The following GPC6 variants were observed in gnomAD, a reference collection of about 807,000 sequenced individuals.
The protein encoded by GPC6 is glypican-6.
In GPC6, 14 loss-of-function variants were observed where a neutral mutation model predicts 55.2. That is an observed-to-expected ratio of 0.25 (90% CI 0.17 to 0.40). The LOEUF (loss-of-function observed/expected upper bound fraction) is 0.40, where lower values mean the gene tolerates loss of function less well. Ranked by LOEUF, GPC6 falls within the 10% of genes least tolerant of loss-of-function variation. GPC6 has a pLI of 1.00. For synonymous variants in GPC6, 278 were observed against 259.6 expected (o/e 1.07, Z -0.68); for missense variants, 641 against 708.5 (o/e 0.90, Z 1.08).
intron 3 of GPC6, among the ~76,000 whole-genome samples, chr13:93,972,218 A>G (rs1880315804): frequency 6.6e-6 from 1 of 152,212 alleles, no homozygotes; most frequent in Admixed American, 6.5e-5. Context: ...GCTATCCGCT[A>G]TCAAATGGCT....
At chr13:93,350,065 A>T (rs1020086125) in intron 1 of GPC6, among the ~76,000 whole-genome samples, 15 of 152,334 alleles carry the variant, frequency 9.8e-5, no homozygotes, top group African/African-American at 3.1e-4. Context: ...TCCACTTAAT[A>T]GATGTGGAAA....
intron 5 of GPC6, among the ~76,000 whole-genome samples, chr13:94,305,138 A>ATT (rs1875874637): frequency 6.6e-6 from 1 of 152,232 alleles, no homozygotes; most frequent in Non-Finnish European, 1.5e-5. Context: ...CCCTATTTTT[A>ATT]GTACAGTTGA....
intron 2 of GPC6, among the ~76,000 whole-genome samples, chr13:93,658,044 C>CACATGTACACCCTGA (rs1276448581): frequency 6.6e-6 from 1 of 151,876 alleles, no homozygotes; most frequent in African/African-American, 2.4e-5. Context: ...AGTAAACCTG[C>CACATGTACACCCTGA]ACATGTACAC....
intron 4 of GPC6, among the ~76,000 whole-genome samples, chr13:94,110,159 C>A (rs1254180409): frequency 2.6e-5 from 4 of 151,092 alleles, no homozygotes; most frequent in African/African-American, 4.9e-5. Flanking sequence ...GACTTCTTGT[C>A]TGTGATTCAG....
chr13:93,719,487 A>G lies in GPC6; in HGVS notation c.320-110667A>G, dbSNP rs372003518. 2.4e-3 allele frequency among the ~76,000 whole-genome samples: 369 copies of G among 152,176 alleles called. 2 individuals are homozygous for G. The highest frequency in any genetic ancestry group is 8.4e-3 in the African/African-American group (348 of 41,520). ...ATCAGGTGAAGAAGTTTTGGGGCTG[A>G]GACAATGAGGTTTTCTAAATATACA... On this transcript the variant is annotated intron_variant, in intron 2 of 8. Transcript: ENST00000377047.
At chr13:94,151,628 G>A (rs1380377592) in intron 4 of GPC6, among the ~76,000 whole-genome samples, 1 of 152,156 alleles carries the variant, frequency 6.6e-6, no homozygotes, top group Middle Eastern at 3.2e-3. Context: ...GGAAACTATA[G>A]ACGAATTGGG....
chr13:93,367,677 G>A (rs1053429258), intron 1 of GPC6, among the ~76,000 whole-genome samples: 1 of 152,016 alleles, frequency 6.6e-6, no homozygotes, highest in African/African-American at 2.4e-5. Context: ...GCAACTAACT[G>A]CCTCTTTGAC....
intron 4 of GPC6, among the ~76,000 whole-genome samples, chr13:94,080,344 A>G (rs1885058334): frequency 1.3e-5 from 2 of 152,216 alleles, no homozygotes; most frequent in Admixed American, 1.3e-4. Flanking sequence ...CTGATAAGTA[A>G]TTTTAATTAT....
rs572058749 is a variant in GPC6, at chr13:94,060,348, G to A, written c.877+32454G>A. Among the ~76,000 whole-genome samples the A allele has an allele frequency of 9.9e-5, 15 of 152,238 alleles. No homozygotes were observed. In the East Asian group the frequency reaches 2.5e-3, roughly 26 times the overall value. On this transcript the variant is annotated intron_variant, in intron 4 of 8. Transcript: ENST00000377047. ...TGAAATATAAGCTCCATGAGTGGGA[G>A]GATCTTTGTTGTGTTCCCTGATAAA...
At chr13:93,306,855 G>A (rs1239539680) in intron 1 of GPC6, among the ~76,000 whole-genome samples, 3 of 152,000 alleles carry the variant, frequency 2.0e-5, no homozygotes, top group Non-Finnish European at 4.4e-5. Flanking sequence ...TTGACACAGA[G>A]CATATTTGTT....
chr13:93,463,785 T>A (rs1878800386), intron 1 of GPC6, among the ~76,000 whole-genome samples: 1 of 151,888 alleles, frequency 6.6e-6, no homozygotes, highest in African/African-American at 2.4e-5. Context: ...CAGTTTTCTA[T>A]CTATCCTCAA....
At chr13:94,168,186 A>ATTCT (rs1328982830) in intron 4 of GPC6, among the ~76,000 whole-genome samples, 7 of 152,238 alleles carry the variant, frequency 4.6e-5, no homozygotes, top group Non-Finnish European at 1.0e-4. Context: ...CTCTGGCTCC[A>ATTCT]AAACCTGCCC....
chr13:93,785,664 A>G (rs1885796386), intron 2 of GPC6, among the ~76,000 whole-genome samples: 1 of 152,136 alleles, frequency 6.6e-6, no homozygotes, highest in Non-Finnish European at 1.5e-5. Flanking sequence ...TTAATTTAAT[A>G]TTTTAGAAAA....
chr13:94,065,868 A>G (rs1884499688), intron 4 of GPC6, among the ~76,000 whole-genome samples: 1 of 152,226 alleles, frequency 6.6e-6, no homozygotes, highest in Non-Finnish European at 1.5e-5. Context: ...AGGAATGAGA[A>G]TGAGCTAGGC....
chr13:93,472,778 G>GT (rs749119061), intron 1 of GPC6, among the ~76,000 whole-genome samples: 18 of 152,208 alleles, frequency 1.2e-4, no homozygotes, highest in Admixed American at 3.3e-4. Context: ...TTGCCATTCA[G>GT]TAGGTCCGAG....
intron 1 of GPC6, among the ~76,000 whole-genome samples, chr13:93,464,323 G>C (rs1057236567): frequency 6.6e-6 from 1 of 152,130 alleles, no homozygotes; most frequent in Admixed American, 6.5e-5. Flanking sequence ...TTTCCCTGTA[G>C]CATGTGATCC....
upstream of GPC6, among the ~76,000 whole-genome samples, chr13:93,226,325 TA>T (rs781762470): frequency 3.3e-5 from 5 of 151,860 alleles, no homozygotes; most frequent in African/African-American, 7.3e-5. Context: ...ATATTTGAAA[TA>T]AAAAAAGGGG....
At chr13:93,366,404 A>G (rs1425456114) in intron 1 of GPC6, among the ~76,000 whole-genome samples, 1 of 152,114 alleles carries the variant, frequency 6.6e-6, no homozygotes, top group Non-Finnish European at 1.5e-5. Flanking sequence ...TAGGGGTTTT[A>G]TTAGTTAATT....
At chr13:93,637,034 A>G (rs1344362884) in intron 2 of GPC6, among the ~76,000 whole-genome samples, 1 of 151,844 alleles carries the variant, frequency 6.6e-6, no homozygotes, top group African/African-American at 2.4e-5. Context: ...GCAAAATGCT[A>G]GGCCTTTTCC....
Sources: allele counts gnomAD v4.1 joint callset (sites outside exome capture counted in the v4.1 genomes callset), GRCh38; gene constraint gnomAD v4.1.1; transcripts MANE v1.5; gene names NCBI Gene and HGNC (gene_info 2026-07-23, HGNC 2026-07-21).